Variants in C21orf58 observed in about 807,000 individuals in gnomAD.
C21orf58 encodes the protein uncharacterized protein C21orf58.
Under a neutral mutation model 35.8 loss-of-function variants are expected in C21orf58, and 34 were observed. The ratio of observed to expected loss-of-function variants is 0.95; its 90% confidence interval spans 0.72 to 1.26. The LOEUF (loss-of-function observed/expected upper bound fraction) is 1.26, where lower values mean the gene tolerates loss of function less well. C21orf58 is among the 50% of genes most tolerant of loss of function. C21orf58 has a pLI of 0.00. For synonymous variants in C21orf58, 191 were observed against 175.8 expected, an observed-to-expected ratio of 1.09 and a Z score of -0.68; for missense variants, 440 against 414.3, an observed-to-expected ratio of 1.06 and a Z score of -0.54.
intron 6 of C21orf58, among the ~76,000 whole-genome samples, chr21:46,305,436 C>T (rs1215891537): frequency 6.7e-6 from 1 of 150,148 alleles, no homozygotes; most frequent in Non-Finnish European, 1.5e-5. Flanking sequence ...CTCAAGGGAT[C>T]CCCCCATCTC....
At chr21:46,302,949 T>G (rs955583243) in intron 6 of C21orf58, among the ~76,000 whole-genome samples, 15 of 147,336 alleles carry the variant, frequency 1.0e-4, no homozygotes, top group Non-Finnish European at 1.7e-4. Context: ...GGGCGCGCCC[T>G]GAGCCCGTCT....
At chr21:46,318,375 A>C (rs937010378) in intron 1 of C21orf58, 155 bp from the exon 2 acceptor site, 1 of 1,444,546 alleles carries the variant, frequency 6.9e-7, no homozygotes, top group African/African-American at 1.4e-5. Context: ...TCCTCAGGCT[A>C]CCGGTAAACA....
intron 6 of C21orf58, 145 bp from the exon 7 acceptor site, chr21:46,302,721 G>T (rs1455321212): frequency 9.1e-6 from 6 of 659,134 alleles, no homozygotes; most frequent in Non-Finnish European, 5.4e-6. Context: ...TCTGCACACG[G>T]TGCGGGTCCC....
In C21orf58 at chr21:46,302,504, G is replaced by A; in HGVS notation, c.794C>T (p.Ala265Val). ...GCCTACCTGCAGGGCTGGGGGCAGG[G>A]CCTTGAGCATCCAGTTCTGCAGGAC... ...QLVLQNWMLK[A>V]LPPALQDPPH... Residue 265 changes from alanine (A) to valine (V), a missense_variant, in exon 7 of 8, where the codon GCC (alanine) becomes GTC (valine). Transcript: ENST00000291691. 6.2e-7 allele frequency: 1 copy of A among 1,611,476 alleles called. No homozygotes were observed.
At chr21:46,307,148 A>G (rs1207592306) in intron 6 of C21orf58, among the ~76,000 whole-genome samples, 2 of 146,072 alleles carry the variant, frequency 1.4e-5, no homozygotes, top group African/African-American at 5.1e-5. Context: ...CAGCCTCTTT[A>G]GCCTCCCAAA....
At position 46,317,931 on chromosome 21, in the gene C21orf58, T is replaced by C. The variant is rs577355584; in HGVS notation, c.309+81A>G. 9.6e-5 allele frequency: 143 copies of C among 1,494,614 alleles called. No individual in the cohort carries two copies. The African/African-American group carries it at 1.8e-3, about 19-fold the overall frequency. The allele number at this position is 1,494,614 out of a possible 1,614,324, so 92.6% of individuals were successfully genotyped here. On this transcript the variant is annotated intron_variant, in intron 2 of 7. Coordinates refer to ENST00000291691, the MANE Select transcript of C21orf58 (RefSeq NM_058180.5). ...CCCTTGGGGCCCTGCATTCTGCACC[T>C]GCAGGGCTGTCTCGAAGAGTCCCTC...
At position 46,323,776 on chromosome 21, in the gene C21orf58, C is replaced by T; in HGVS notation, c.-1038G>A. Reference sequence around the variant, plus strand: ...GTCCGGGTGGTTGCTGAGCACCGTTCGGCGCCGCCCGCGCCTGCAGGGAGC... The same window carrying T: ...GTCCGGGTGGTTGCTGAGCACCGTTTGGCGCCGCCCGCGCCTGCAGGGAGC... On this transcript the variant is annotated 5_prime_UTR_variant, in exon 1 of 8. Coordinates refer to ENST00000291691, the MANE Select transcript of C21orf58 (RefSeq NM_058180.5). The T allele has an allele frequency of 1.4e-5, 4 of 294,470 alleles. No individual in the cohort carries two copies. Among genetic ancestry groups the T allele is most frequent in the South Asian group, 1.2e-4 (4 of 33,544 alleles). The allele number at this position is 294,470 out of a possible 1,614,324, so 18.2% of individuals were successfully genotyped here.
chr21:46,303,702 AC>A (rs1569115769), intron 6 of C21orf58, among the ~76,000 whole-genome samples: 1,017 of 71,282 alleles, frequency 0.014, 47 homozygotes, highest in Non-Finnish European at 0.024. Context: ...ACACACACAC[AC>A]ACAAAATATA....
chr21:46,321,961 T>C (rs2083175208), intron 1 of C21orf58, among the ~76,000 whole-genome samples: 2 of 140,600 alleles, frequency 1.4e-5, no homozygotes, highest in African/African-American at 5.3e-5. Flanking sequence ...TGGAGTGCAG[T>C]GGTTGCCTGG....
chr21:46,322,218 T>C (rs115857883), intron 1 of C21orf58, among the ~76,000 whole-genome samples: 2,390 of 152,156 alleles, frequency 0.016, 45 homozygotes, highest in South Asian at 0.079. Context: ...CCCGGGGAAG[T>C]TGAGGCTGCA....
rs773503440 is a variant in C21orf58 at position 46,301,998 on chromosome 21, C to T, written c.*1G>A. 1.4e-5 allele frequency: 22 copies of T among 1,527,202 alleles called. No individual in the cohort carries two copies. In the African/African-American group the frequency reaches 2.9e-4, roughly 20 times the overall value. The allele number at this position is 1,527,202 out of a possible 1,614,324, so 94.6% of individuals were successfully genotyped here. ...CCGGCCAGGGTCTCTGTGACTCACA[C>T]TCAGGGTGGGCCAGGCGTCCACAGG... is the stretch of plus-strand genomic sequence containing the variant. On this transcript the variant is annotated 3_prime_UTR_variant, in exon 8 of 8. Transcript: ENST00000291691.
intron 6 of C21orf58, among the ~76,000 whole-genome samples, chr21:46,304,800 C>G (rs75857329): frequency 1.3e-5 from 2 of 152,108 alleles, no homozygotes; most frequent in African/African-American, 4.8e-5. Context: ...GAATCTTGAG[C>G]GGGGACGGAA....
chr21:46,318,480 G>A (rs1601705109), intron 1 of C21orf58: 2 of 1,372,226 alleles, frequency 1.5e-6, no homozygotes, highest in Admixed American at 3.0e-5. Context: ...CCTGGGGGAA[G>A]GGCAGTCGTG....
chr21:46,300,819 A>G (rs2082083012), downstream of C21orf58: 1 of 1,275,148 alleles, frequency 7.8e-7, no homozygotes, highest in Middle Eastern at 2.2e-4. Context: ...ATGAAAGTTT[A>G]TGTATACTAC....
intron 4 of C21orf58, 96 bp from the exon 5 acceptor site, chr21:46,314,976 G>C: frequency 1.3e-6 from 2 of 1,550,242 alleles, no homozygotes; most frequent in Non-Finnish European, 1.7e-6. Flanking sequence ...CCTGGGCCAG[G>C]TACAGGCGCC....
At chr21:46,306,281 G>C (rs1027701270) in intron 6 of C21orf58, among the ~76,000 whole-genome samples, 3 of 152,120 alleles carry the variant, frequency 2.0e-5, no homozygotes, top group African/African-American at 7.2e-5. Context: ...GGCTGAGGAG[G>C]GTGGATCATG....
Position 46,315,395 on chromosome 21 carries a change from G to C in C21orf58, c.444+79C>G, listed in dbSNP as rs193123286. ...GGAAAGGTCTTCCCTAATACTCCCC[G>C]ACCTGGTGCCTTAAGGCTGAGCAGC... On this transcript the variant is annotated intron_variant, in intron 4 of 7. Coordinates refer to ENST00000291691, the MANE Select transcript of C21orf58 (RefSeq NM_058180.5). 2.2e-6 allele frequency: 2 copies of C among 913,280 alleles called. 1 individual carries two copies. The highest frequency in any genetic ancestry group is 4.8e-5 in the East Asian group (2 of 41,666). The allele number at this position is 913,280 out of a possible 1,614,324, so 56.6% of individuals were successfully genotyped here. A position where few individuals can be genotyped will look rare whatever the true frequency, so the allele number is the denominator to read the frequency against.
intron 6 of C21orf58, 47 bp downstream of exon 6, chr21:46,311,409 G>A (rs1226516404): frequency 5.2e-6 from 6 of 1,146,888 alleles, no homozygotes; most frequent in African/African-American, 1.5e-5. Flanking sequence ...TTCCCTTTCA[G>A]TAGATAATTT....
rs1208975139 is a variant in C21orf58 at position 46,322,907 on chromosome 21, G to C, written c.-169C>G. The C allele has an allele frequency of 2.1e-6, 1 of 480,058 alleles. No homozygotes were observed. Among genetic ancestry groups the C allele is most frequent in the Non-Finnish European group, 3.7e-6 (1 of 272,072 alleles). 29.7% of individuals were successfully genotyped at this position (480,058 alleles called of 1,614,324 possible). A position where few individuals can be genotyped will look rare whatever the true frequency, so the allele number is the denominator to read the frequency against. On this transcript the variant is annotated 5_prime_UTR_variant, in exon 1 of 8. Transcript: ENST00000291691. ...CTCCAGCACGCTCGGGAAGGGCATC[G>C]TTACTGCTGCAAACAAGCACACGGC...
Sources: allele counts gnomAD v4.1 joint callset (sites outside exome capture counted in the v4.1 genomes callset), GRCh38; gene constraint gnomAD v4.1.1; transcripts MANE v1.5; gene names NCBI Gene and HGNC (gene_info 2026-07-23, HGNC 2026-07-21).